Variants in SEMA3B observed in about 807,000 individuals in gnomAD.
SEMA3B encodes semaphorin-3B.
In SEMA3B, 71 loss-of-function variants were observed where a neutral mutation model predicts 77.8. The ratio of observed to expected loss-of-function variants is 0.91; its 90% CI spans 0.75 to 1.11. The LOEUF is 1.11. Ranked by LOEUF, SEMA3B falls within the 50% of genes most tolerant of loss-of-function variation. The pLI is 0.00. For missense variants in SEMA3B, 968 were observed against 1,056.8 expected, an observed-to-expected ratio of 0.92 and a Z score of 1.17; for synonymous variants, 470 against 452.9, an observed-to-expected ratio of 1.04 and a Z score of -0.48.
rs376336078 is a variant in SEMA3B at position 50,273,395 on chromosome 3, G to C, written c.762G>C (p.Ala254=). The C allele has an allele frequency of 5.5e-5, 89 of 1,613,710 alleles. No individual in the cohort carries two copies. The highest frequency in any genetic ancestry group is 6.6e-5 in the Non-Finnish European group (78 of 1,179,872). ...FFFRETAVEA[A]PALGRLSVSR... The stretch of plus-strand genomic sequence containing the variant: ...TTCGTGAGACGGCGGTAGAGGCGGC[G>C]CCGGCACTGGGACGCCTGTCCGTGT... Residue 254 remains alanine, a synonymous_variant, in exon 7 of 17, where the codon GCG becomes GCC. Coordinates refer to ENST00000616701, the MANE Select transcript of SEMA3B (RefSeq NM_001290060.2). This position sits in a 1 kb window ranked among gnomAD's most constrained non-coding sequence, Gnocchi z 6.5.
In SEMA3B at chr3:50,275,212, C is replaced by A; in HGVS notation, c.1492-90C>A. On this transcript the variant is annotated intron_variant, in intron 13 of 16. Coordinates refer to ENST00000616701, the MANE Select transcript of SEMA3B (RefSeq NM_001290060.2). This position sits in a 1 kb window ranked among gnomAD's most constrained non-coding sequence, Gnocchi z 7.5. ...CTGAGGCGTAAGACCTCAGTGTTCC[C>A]ATCTGTCGAGTGGAAGAAGGGATCC... The A allele has an allele frequency of 6.8e-7, 1 of 1,464,094 alleles. No homozygotes were observed. Among genetic ancestry groups the A allele is most frequent in the South Asian group, 1.4e-5 (1 of 72,374 alleles). The allele number at this position is 1,464,094 out of a possible 1,614,324, so 90.7% of individuals were successfully genotyped here.
At chr3:50,263,746 G>A (rs1700860633), upstream of SEMA3B, among the ~76,000 whole-genome samples, 1 of 151,960 alleles carries the variant, frequency 6.6e-6, no homozygotes, top group Non-Finnish European at 1.5e-5. Context: ...AGGAGGGCAG[G>A]CTTGGCAGTG....
chr3:50,268,662 C>G (rs1166114550), upstream of SEMA3B, among the ~76,000 whole-genome samples: 1 of 152,244 alleles, frequency 6.6e-6, no homozygotes, highest in South Asian at 2.1e-4. Flanking sequence ...AAAAGTGTCT[C>G]TGTGTTTTTC....
chr3:50,273,842 G>A lies in SEMA3B; in HGVS notation c.992+14G>A. On this transcript the variant is annotated intron_variant, in intron 9 of 16. Transcript: ENST00000616701. This position sits in a 1 kb window ranked among gnomAD's most constrained non-coding sequence, Gnocchi z 6.5. ...CTCCACGTCCAGGTGAGGGGCAGGA[G>A]GTAGGGAGCGCCCGGGGCGGGCCGC... 1 of 1,570,350 alleles carries A rather than the reference G, an allele frequency of 6.4e-7. No individual in the cohort carries two copies. Among genetic ancestry groups the A allele is most frequent in the Non-Finnish European group, 8.6e-7 (1 of 1,156,414 alleles).
At position 50,276,171 on chromosome 3, in the gene SEMA3B, G is replaced by A. The variant is rs1701236054; in HGVS notation, c.1846-131G>A. On this transcript the variant is annotated intron_variant, in intron 16 of 16. Transcript: ENST00000616701. This position sits in a 1 kb window ranked among gnomAD's most constrained non-coding sequence, Gnocchi z 5.8. Reference sequence around the variant, plus strand: ...TCCCAAACACTCAGCCTTAAAATGTGCGCCTGCGGGCACCCCTTTCCCGCT... The same window carrying A: ...TCCCAAACACTCAGCCTTAAAATGTACGCCTGCGGGCACCCCTTTCCCGCT... 8.2e-7 allele frequency: 1 copy of A among 1,220,274 alleles called. No individual in the cohort carries two copies. The highest frequency in any genetic ancestry group is 1.6e-5 in the African/African-American group (1 of 63,620). 75.6% of individuals were successfully genotyped at this position (1,220,274 alleles called of 1,614,324 possible). A position where few individuals can be genotyped will look rare whatever the true frequency, so the allele number is the denominator to read the frequency against.
At chr3:50,272,626 G>A (rs1484009677) in intron 6 of SEMA3B, among the ~76,000 whole-genome samples, 2 of 151,606 alleles carry the variant, frequency 1.3e-5, no homozygotes, top group Non-Finnish European at 2.9e-5. Context: ...CAGGAGAATC[G>A]CTTGAACCTA....
rs1701152803 is a variant in SEMA3B at position 50,274,414 on chromosome 3, G to C, written c.1189G>C (p.Asp397His). 6.6e-7 allele frequency: 1 copy of C among 1,504,164 alleles called. No individual in the cohort carries two copies. Among genetic ancestry groups the C allele is most frequent in the African/African-American group, 1.4e-5 (1 of 71,064 alleles). The allele number at this position is 1,504,164 out of a possible 1,614,324, so 93.2% of individuals were successfully genotyped here. A position where few individuals can be genotyped will look rare whatever the true frequency, so the allele number is the denominator to read the frequency against. Reference protein sequence around the residue: ...TFSSTKDFPDDVIQFARNHPL... With the variant: ...TFSSTKDFPDHVIQFARNHPL... Reference sequence around the variant, plus strand: ...CAGTTCCACCAAGGACTTCCCAGACGATGTCATCCAGTTTGCGCGGAACCA... The same window carrying C: ...CAGTTCCACCAAGGACTTCCCAGACCATGTCATCCAGTTTGCGCGGAACCA... Residue 397 changes from aspartate to histidine, a missense_variant, in exon 11 of 17, where the codon GAT (aspartate) becomes CAT (histidine). Asp to His is a moderately conservative substitution (Grantham distance 81). Transcript: ENST00000616701. This position sits in a 1 kb window ranked among gnomAD's most constrained non-coding sequence, Gnocchi z 4.7.
chr3:50,271,772 C>A (rs1190310661), intron 6 of SEMA3B, among the ~76,000 whole-genome samples: 1 of 152,086 alleles, frequency 6.6e-6, no homozygotes, highest in Non-Finnish European at 1.5e-5. Flanking sequence ...TAAAGGAAGC[C>A]GCTGTGCTGA....
rs1435290833 is a variant in SEMA3B at position 50,273,139 on chromosome 3, C to A, written c.665-159C>A. On this transcript the variant is annotated intron_variant, in intron 6 of 16. Transcript: ENST00000616701. This position sits in a 1 kb window ranked among gnomAD's most constrained non-coding sequence, Gnocchi z 6.5. ...AGGCCCTGATCCTTTGGATTCGGTCCGCGCAGAGCGCCAACTGGACATGGT... is the reference window on the plus strand; with the variant it reads ...AGGCCCTGATCCTTTGGATTCGGTCAGCGCAGAGCGCCAACTGGACATGGT... 1.1e-5 allele frequency: 13 copies of A among 1,176,764 alleles called. No individual in the cohort carries two copies. In the Admixed American group the frequency reaches 3.2e-4, roughly 29 times the overall value. 72.9% of individuals were successfully genotyped at this position (1,176,764 alleles called of 1,614,324 possible). A position where few individuals can be genotyped will look rare whatever the true frequency, so the allele number is the denominator to read the frequency against.
In SEMA3B at chr3:50,273,983, T is replaced by G; in HGVS notation, c.1063T>G (p.Phe355Val). 6.2e-7 allele frequency: 1 copy of G among 1,613,810 alleles called. No individual in the cohort carries two copies. Among genetic ancestry groups the G allele is most frequent in the Non-Finnish European group, 8.5e-7 (1 of 1,179,812 alleles). The stretch of plus-strand genomic sequence containing the variant: ...CGTGCGCCGGGCCTTCTTGGGACCC[T>G]TTGCACACAAGGAGGGGCCCATGCA... The part of the protein sequence containing the change: ...NDVRRAFLGP[F>V]AHKEGPMHQW... Residue 355 changes from phenylalanine (F) to valine (V), a missense_variant, in exon 10 of 17, where the codon TTT becomes GTT. By Grantham distance (50) the Phe-to-Val change is conservative. Transcript: ENST00000616701. The surrounding 1 kb of genome is among the most constrained non-coding windows in gnomAD (Gnocchi z 6.5).
chr3:50,273,744 G>T lies in SEMA3B; in HGVS notation c.923-15G>T, dbSNP rs1553705887. Reference sequence around the variant, plus strand: ...GGGCTGTGCGCCCTACCCCAGCTAGGCCCCTTCCCCGCAGAGGATGTGTTT... The same window carrying T: ...GGGCTGTGCGCCCTACCCCAGCTAGTCCCCTTCCCCGCAGAGGATGTGTTT... On this transcript the variant is annotated splice_polypyrimidine_tract_variant and intron_variant, in intron 8 of 16. Transcript: ENST00000616701. This position sits in a 1 kb window ranked among gnomAD's most constrained non-coding sequence, Gnocchi z 6.5. 1.2e-6 allele frequency: 2 copies of T among 1,604,820 alleles called. No individual in the cohort carries two copies. Among genetic ancestry groups the T allele is most frequent in the South Asian group, 2.2e-5 (2 of 90,784 alleles).
At chr3:50,269,030 A>T, upstream of SEMA3B, 1 of 584,766 alleles carries the variant, frequency 1.7e-6, no homozygotes, top group Non-Finnish European at 3.0e-6. The surrounding 1 kb of genome is among the most constrained non-coding windows in gnomAD (Gnocchi z 4.0). Flanking sequence ...CAGGCGGGGC[A>T]CCCTCGGAGG....
Position 50,273,113 on chromosome 3 carries a change from C to A in SEMA3B, c.665-185C>A. 2 of 959,190 alleles carry A rather than the reference C, an allele frequency of 2.1e-6. No homozygotes were observed. The highest frequency in any genetic ancestry group is 1.7e-5 in the African/African-American group (1 of 59,930). 59.4% of individuals were successfully genotyped at this position (959,190 alleles called of 1,614,324 possible). On this transcript the variant is annotated intron_variant, in intron 6 of 16. Coordinates refer to ENST00000616701, the MANE Select transcript of SEMA3B (RefSeq NM_001290060.2). This position sits in a 1 kb window ranked among gnomAD's most constrained non-coding sequence, Gnocchi z 6.5. ...CCCCTCGCGGCTGCTTCTTGCCTCG[C>A]AGGCCCTGATCCTTTGGATTCGGTC...
rs1701146266 is a variant in SEMA3B, at chr3:50,274,248, AG to A, written c.1138-112del. The A allele has an allele frequency of 8.1e-7, 1 of 1,232,238 alleles. No individual in the cohort carries two copies. The highest frequency in any genetic ancestry group is 1.1e-6 in the Non-Finnish European group (1 of 886,588). The allele number at this position is 1,232,238 out of a possible 1,614,324, so 76.3% of individuals were successfully genotyped here. A position where few individuals can be genotyped will look rare whatever the true frequency, so the allele number is the denominator to read the frequency against. ...AAGGCTGATCTCCTCTCTAATTCTC[AG>A]GGCAGGGTTCTGTCCCCATCCCCCT... is the stretch of plus-strand genomic sequence containing the variant. On this transcript the variant is annotated intron_variant, in intron 10 of 16. Coordinates refer to ENST00000616701, the MANE Select transcript of SEMA3B (RefSeq NM_001290060.2). The surrounding 1 kb of genome is among the most constrained non-coding windows in gnomAD (Gnocchi z 4.7).
upstream of SEMA3B, among the ~76,000 whole-genome samples, chr3:50,265,807 G>A (rs587637923): frequency 6.6e-6 from 1 of 152,286 alleles, no homozygotes; most frequent in East Asian, 1.9e-4. Context: ...CCCTACCCAT[G>A]GCCTGGCACA....
rs1553705003 is a variant in SEMA3B at position 50,269,392 on chromosome 3, C to A, written c.109+43C>A. On this transcript the variant is annotated intron_variant, in intron 1 of 16. Transcript: ENST00000616701. This position sits in a 1 kb window ranked among gnomAD's most constrained non-coding sequence, Gnocchi z 4.0. ...GCGGGAGGGCCCAGCTTGAGGTGGG[C>A]AGGAAAGGGTCCCCGTATGGCCAGG... 4.2e-6 allele frequency: 5 copies of A among 1,202,884 alleles called. No individual in the cohort carries two copies. Among genetic ancestry groups the A allele is most frequent in the Admixed American group, 2.8e-5 (1 of 36,242 alleles). The allele number at this position is 1,202,884 out of a possible 1,614,324, so 74.5% of individuals were successfully genotyped here. A position where few individuals can be genotyped will look rare whatever the true frequency, so the allele number is the denominator to read the frequency against.
chr3:50,269,437 G>A lies in SEMA3B; in HGVS notation c.109+88G>A, dbSNP rs997967601. 1.3e-5 allele frequency: 10 copies of A among 783,978 alleles called. No homozygotes were observed. The highest frequency in any genetic ancestry group is 1.6e-5 in the Non-Finnish European group (8 of 507,756). 48.6% of individuals were successfully genotyped at this position (783,978 alleles called of 1,614,324 possible). A position where few individuals can be genotyped will look rare whatever the true frequency, so the allele number is the denominator to read the frequency against. On this transcript the variant is annotated intron_variant, in intron 1 of 16. Coordinates refer to ENST00000616701, the MANE Select transcript of SEMA3B (RefSeq NM_001290060.2). This position sits in a 1 kb window ranked among gnomAD's most constrained non-coding sequence, Gnocchi z 4.0. Reference sequence around the variant, plus strand: ...GCCAGGGGGCTCTGTGTTGGCTGTTGCCCCATGTGCGTGCCTGTCACCAGA... The same window carrying A: ...GCCAGGGGGCTCTGTGTTGGCTGTTACCCCATGTGCGTGCCTGTCACCAGA...
In SEMA3B at chr3:50,274,628, G is replaced by A. The variant is rs375947627; in HGVS notation, c.1357+46G>A. On this transcript the variant is annotated intron_variant, in intron 11 of 16. Coordinates refer to ENST00000616701, the MANE Select transcript of SEMA3B (RefSeq NM_001290060.2). The surrounding 1 kb of genome is among the most constrained non-coding windows in gnomAD (Gnocchi z 4.7). ...ACCCCCAGGCTCCCAGCCAGGCCCT[G>A]TGGGCTGCTGATGGAAGCTCTCCCT... The A allele has an allele frequency of 3.8e-5, 58 of 1,511,826 alleles. No homozygotes were observed. In the African/African-American group the frequency reaches 6.3e-4, roughly 16 times the overall value. 93.7% of individuals were successfully genotyped at this position (1,511,826 alleles called of 1,614,324 possible). A position where few individuals can be genotyped will look rare whatever the true frequency, so the allele number is the denominator to read the frequency against.
chr3:50,276,639 G>T lies in SEMA3B; in HGVS notation c.2183G>T (p.Arg728Leu), dbSNP rs372243066. 1.9e-6 allele frequency: 3 copies of T among 1,594,710 alleles called. No individual in the cohort carries two copies. The highest frequency in any genetic ancestry group is 2.7e-5 in the African/African-American group (2 of 74,202). ...SLPLESRRKG[R>L]NRRTHAPEPR... Reference sequence around the variant, plus strand: ...CCCCTGGAGTCGCGGAGAAAGGGCCGTAACCGGAGGACCCACGCCCCTGAG... The same window carrying T: ...CCCCTGGAGTCGCGGAGAAAGGGCCTTAACCGGAGGACCCACGCCCCTGAG... Residue 728 changes from arginine (R) to leucine (L), a missense_variant, in exon 17 of 17, where the codon CGT becomes CTT. Arg to Leu is a moderately radical substitution (Grantham distance 102, BLOSUM62 -2). Transcript: ENST00000616701. This position sits in a 1 kb window ranked among gnomAD's most constrained non-coding sequence, Gnocchi z 5.8.
Sources: allele counts gnomAD v4.1 joint callset (sites outside exome capture counted in the v4.1 genomes callset), GRCh38; gene constraint gnomAD v4.1.1; non-coding constraint Gnocchi (gnomAD v3.1); transcripts MANE v1.5; gene names NCBI Gene and HGNC (gene_info 2026-07-23, HGNC 2026-07-21).